The following UBIAD1 variants were observed in gnomAD, a reference collection of about 807,000 sequenced individuals.
UBIAD1 encodes UbiA prenyltransferase domain containing 1.
A neutral mutation model predicts 20.1 loss-of-function variants in UBIAD1; 12 were observed. That is an observed-to-expected ratio of 0.60 (90% CI 0.38 to 0.97). UBIAD1 has a LOEUF of 0.97. UBIAD1 is among the 50% of genes least tolerant of loss of function. UBIAD1 has a pLI of 0.00. For synonymous variants in UBIAD1, 207 were observed against 189.2 expected, an observed-to-expected ratio of 1.09 and a Z score of -0.77; for missense variants, 333 against 419.5, an observed-to-expected ratio of 0.79 and a Z score of 1.80.
rs1370455296 is a variant in UBIAD1 at position 11,286,673 on chromosome 1, A to G, written c.*542A>G. ...GAGACAGAGAGAGTCCCTCATTAAC[A>G]GCCTGTGTGGCTGTCAGCTTTTTGC... On this transcript the variant is annotated 3_prime_UTR_variant, in exon 2 of 2. Coordinates refer to ENST00000376810, the MANE Select transcript of UBIAD1 (RefSeq NM_013319.3). The G allele has an allele frequency of 6.1e-6, 1 of 164,844 alleles. No individual in the cohort carries two copies. The highest frequency in any genetic ancestry group is 2.4e-5 in the African/African-American group (1 of 41,528). The allele number at this position is 164,844 out of a possible 1,614,324, so 10.2% of individuals were successfully genotyped here. A position where few individuals can be genotyped will look rare whatever the true frequency, so the allele number is the denominator to read the frequency against.
At chr1:11,275,813 TGA>T (rs1652003126) in intron 1 of UBIAD1, among the ~76,000 whole-genome samples, 1 of 151,934 alleles carries the variant, frequency 6.6e-6, no homozygotes, top group Non-Finnish European at 1.5e-5. Context: ...AGCAGATATC[TGA>T]GAGAGGAGCA....
Position 11,273,212 on chromosome 1 carries a change from C to A in UBIAD1, c.-320C>A, listed in dbSNP as rs1013594592. The A allele has an allele frequency of 8.8e-6, 3 of 339,254 alleles. No homozygotes were observed. Among genetic ancestry groups the A allele is most frequent in the Non-Finnish European group, 1.7e-5 (3 of 180,160 alleles). The allele number at this position is 339,254 out of a possible 1,614,324, so 21.0% of individuals were successfully genotyped here. Reference sequence around the variant, plus strand: ...CGCCGGCACCTGTTTCCGGGCGGGCCTCCAGAGGCCGGCGCACAAGATGGC... The same window carrying A: ...CGCCGGCACCTGTTTCCGGGCGGGCATCCAGAGGCCGGCGCACAAGATGGC... On this transcript the variant is annotated 5_prime_UTR_variant, in exon 1 of 2. Coordinates refer to ENST00000376810, the MANE Select transcript of UBIAD1 (RefSeq NM_013319.3). This position sits in a 1 kb window ranked among gnomAD's most constrained non-coding sequence, Gnocchi z 4.9.
chr1:11,278,236 A>G (rs1219099704), intron 1 of UBIAD1, among the ~76,000 whole-genome samples: 20 of 152,222 alleles, frequency 1.3e-4, no homozygotes, highest in Middle Eastern at 3.4e-3. Context: ...GGGATTACAG[A>G]CATGAGCCAC....
chr1:11,285,584 A>AG lies in UBIAD1; in HGVS notation c.530-60_530-59insG. 3 of 1,612,332 alleles carry AG rather than the reference A, an allele frequency of 1.9e-6. No homozygotes were observed. Among genetic ancestry groups the AG allele is most frequent in the Non-Finnish European group, 2.5e-6 (3 of 1,179,896 alleles). On this transcript the variant is annotated intron_variant, in intron 1 of 1. Transcript: ENST00000376810. The surrounding 1 kb of genome is among the most constrained non-coding windows in gnomAD (Gnocchi z 4.4). ...GAAGTGGCCTGCCTCTTCACTGGTG[A>AG]ACAGTCCCTAAATTTCCAGCCTTGG...
At chr1:11,298,722 C>T (rs1638486859), downstream of UBIAD1, among the ~76,000 whole-genome samples, 2 of 152,170 alleles carry the variant, frequency 1.3e-5, no homozygotes, top group Non-Finnish European at 2.9e-5. This position sits in a 1 kb window ranked among gnomAD's most constrained non-coding sequence, Gnocchi z 4.0. Context: ...AGGTGCTGAA[C>T]GTGAAGGGAA....
Position 11,273,213 on chromosome 1 carries a change from T to G in UBIAD1, c.-319T>G, listed in dbSNP as rs1244081721. The G allele has an allele frequency of 6.2e-6, 2 of 321,896 alleles. No homozygotes were observed. The highest frequency in any genetic ancestry group is 2.8e-5 in the South Asian group (1 of 35,292). The allele number at this position is 321,896 out of a possible 1,614,324, so 19.9% of individuals were successfully genotyped here. ...GCCGGCACCTGTTTCCGGGCGGGCC[T>G]CCAGAGGCCGGCGCACAAGATGGCG... On this transcript the variant is annotated 5_prime_UTR_variant, in exon 1 of 2. Transcript: ENST00000376810. This position sits in a 1 kb window ranked among gnomAD's most constrained non-coding sequence, Gnocchi z 4.9.
intron 1 of UBIAD1, among the ~76,000 whole-genome samples, chr1:11,279,898 T>C (rs763024982): frequency 6.6e-6 from 1 of 152,172 alleles, no homozygotes; most frequent in Non-Finnish European, 1.5e-5. Context: ...AGTCCTGGTC[T>C]GAGCCCTGGG....
chr1:11,274,447 C>T (rs1409403005), intron 1 of UBIAD1, among the ~76,000 whole-genome samples: 3 of 144,664 alleles, frequency 2.1e-5, no homozygotes, highest in East Asian at 2.1e-4. Flanking sequence ...TACAGGTGCA[C>T]GCCACCACGC....
chr1:11,285,085 G>A lies in UBIAD1; in HGVS notation c.530-559G>A, dbSNP rs915498904. On this transcript the variant is annotated intron_variant, in intron 1 of 1. Coordinates refer to ENST00000376810, the MANE Select transcript of UBIAD1 (RefSeq NM_013319.3). The surrounding 1 kb of genome is among the most constrained non-coding windows in gnomAD (Gnocchi z 4.4). Reference sequence around the variant, plus strand: ...AGGAAAGCAGCATTATAACTCTCCTGTCCTCGCTGTTTTGCTTATCGCAGG... The same window carrying A: ...AGGAAAGCAGCATTATAACTCTCCTATCCTCGCTGTTTTGCTTATCGCAGG... Among the ~76,000 whole-genome samples the A allele has an allele frequency of 2.0e-5, 3 of 152,182 alleles. No individual in the cohort carries two copies. The highest frequency in any genetic ancestry group is 7.2e-5 in the African/African-American group (3 of 41,444).
At chr1:11,293,291 C>T (rs1324284525), downstream of UBIAD1, among the ~76,000 whole-genome samples, 1 of 152,170 alleles carries the variant, frequency 6.6e-6, no homozygotes, top group African/African-American at 2.4e-5. Context: ...TATCCTGGCC[C>T]CTGTCTCCCC....
chr1:11,291,948 G>C (rs1638374102), downstream of UBIAD1: 1 of 151,948 alleles, frequency 6.6e-6, no homozygotes, highest in Non-Finnish European at 1.5e-5. Context: ...ATGGGTAGAA[G>C]TTATATGTCC....
rs1378408915 is a variant in UBIAD1 at position 11,285,382 on chromosome 1, T to C, written c.530-262T>C. 6.6e-6 allele frequency among the ~76,000 whole-genome samples: 1 copy of C among 152,050 alleles called. No homozygotes were observed. The highest frequency in any genetic ancestry group is 6.5e-5 in the Admixed American group (1 of 15,276). ...TAGTGTGCTATGTTGCAGAGCTCTG[T>C]TGGGGGACAGTAGGAAGGGAAACTT... On this transcript the variant is annotated intron_variant, in intron 1 of 1. Transcript: ENST00000376810. The surrounding 1 kb of genome is among the most constrained non-coding windows in gnomAD (Gnocchi z 4.4).
intron 1 of UBIAD1, among the ~76,000 whole-genome samples, chr1:11,276,721 C>T (rs995995478): frequency 2.6e-5 from 4 of 151,628 alleles, no homozygotes; most frequent in African/African-American, 7.3e-5. Flanking sequence ...TATATGTATC[C>T]CTTTTTTGTT....
rs1638260532 is a variant in UBIAD1, at chr1:11,286,229, T to TAA, written c.*99_*100dup. 7.3e-6 allele frequency: 11 copies of TAA among 1,511,916 alleles called. No homozygotes were observed. Among genetic ancestry groups the TAA allele is most frequent in the South Asian group, 4.6e-5 (4 of 87,656 alleles). 93.7% of individuals were successfully genotyped at this position (1,511,916 alleles called of 1,614,324 possible). On this transcript the variant is annotated 3_prime_UTR_variant, in exon 2 of 2. Coordinates refer to ENST00000376810, the MANE Select transcript of UBIAD1 (RefSeq NM_013319.3). Reference sequence around the variant, plus strand: ...GAATGTGATTTGGCAGTCAGGGTACTAAGCATGGGTGGGAACTCCTGCCTT... The same window carrying TAA: ...GAATGTGATTTGGCAGTCAGGGTACTAAAAGCATGGGTGGGAACTCCTGCCTT...
Position 11,294,642 on chromosome 1 carries a change from A to G in UBIAD1, c.530-231A>G, listed in dbSNP as rs186404733. On this transcript the variant is annotated intron_variant, in intron 1 of 1. Transcript: ENST00000376804. Reference sequence around the variant, plus strand: ...GGATGGCTGCTTCCTGGCTGGTGGCATTCCTACCAACACCCCCAGGGGCCA... The same window carrying G: ...GGATGGCTGCTTCCTGGCTGGTGGCGTTCCTACCAACACCCCCAGGGGCCA... 6.0e-4 allele frequency among the ~76,000 whole-genome samples: 91 copies of G among 152,302 alleles called. No homozygotes were observed. In the East Asian group the frequency reaches 8.5e-3, roughly 14 times the overall value.
chr1:11,275,207 T>C (rs1267625629), intron 1 of UBIAD1, among the ~76,000 whole-genome samples: 2 of 152,046 alleles, frequency 1.3e-5, no homozygotes, highest in Non-Finnish European at 2.9e-5. Context: ...AAAGTAAAAA[T>C]AGAAAATTAT....
intron 1 of UBIAD1, chr1:11,279,300 A>G (rs1192514642): frequency 9.1e-6 from 2 of 219,378 alleles, no homozygotes; most frequent in African/African-American, 2.3e-5. Flanking sequence ...AGCATAACTC[A>G]AAGGTTTTGA....
rs1393909430 is a variant in UBIAD1, at chr1:11,287,520, T to C, written c.*1389T>C. 1 of 152,258 alleles carries C rather than the reference T, an allele frequency of 6.6e-6. No homozygotes were observed. The highest frequency in any genetic ancestry group is 1.5e-5 in the Non-Finnish European group (1 of 68,052). 9.4% of individuals were successfully genotyped at this position (152,258 alleles called of 1,614,324 possible). ...CCATTCTAGTAGGCGTTTAAGGTCA[T>C]GGCCTGCAGAAAATGATGTAAGAAC... On this transcript the variant is annotated 3_prime_UTR_variant, in exon 2 of 2. Transcript: ENST00000376810.
intron 1 of UBIAD1, among the ~76,000 whole-genome samples, chr1:11,283,219 A>G (rs1304352237): frequency 6.6e-6 from 1 of 152,150 alleles, no homozygotes; most frequent in Admixed American, 6.6e-5. Flanking sequence ...CTCCAGCCAA[A>G]GGTCAAGGCT....
Sources: gnomAD v4.1 joint callset for allele counts (sites outside exome capture counted in the v4.1 genomes callset) on GRCh38, gnomAD v4.1.1 for gene constraint, Gnocchi (gnomAD v3.1) non-coding constraint, MANE v1.5 for transcripts, NCBI Gene and HGNC (gene_info 2026-07-23, HGNC 2026-07-21) for gene names.